COMMD10: variants seen among roughly 807,000 people sequenced by gnomAD.
COMMD10 encodes the protein COMM domain containing 10.
Under a neutral mutation model 28.9 loss-of-function variants are expected in COMMD10, and 33 were observed. The ratio of observed to expected loss-of-function variants is 1.14; its 90% CI spans 0.87 to 1.53. COMMD10 has a LOEUF of 1.53. COMMD10 is among the 40% of genes most tolerant of loss of function. The pLI is 0.00. For missense variants in COMMD10, 310 were observed against 233.4 expected, an observed-to-expected ratio of 1.33 and a Z score of -2.14; for synonymous variants, 110 against 81.7, an observed-to-expected ratio of 1.35 and a Z score of -1.87.
chr5:116,221,776 T>C (rs139914295), intron 5 of COMMD10, among the ~76,000 whole-genome samples: 2 of 152,332 alleles, frequency 1.3e-5, no homozygotes, highest in Non-Finnish European at 2.9e-5. Context: ...CACCATTCTT[T>C]ATTTAAATGA....
intron 5 of COMMD10, among the ~76,000 whole-genome samples, chr5:116,263,145 A>G (rs564259497): frequency 6.6e-6 from 1 of 151,966 alleles, no homozygotes; most frequent in African/African-American, 2.4e-5. Context: ...ATATTTTAGA[A>G]AATGAATAGT....
chr5:116,218,679 T>C (rs1749167357), intron 5 of COMMD10, among the ~76,000 whole-genome samples: 1 of 152,094 alleles, frequency 6.6e-6, no homozygotes, highest in Admixed American at 6.6e-5. Context: ...TAGAACCATA[T>C]TCCCAAGAAG....
intron 4 of COMMD10, among the ~76,000 whole-genome samples, chr5:116,123,939 CT>C (rs1216204850): frequency 6.8e-6 from 1 of 146,446 alleles, no homozygotes; most frequent in African/African-American, 2.5e-5. Flanking sequence ...TTTTTTTTAT[CT>C]ATTTGATTCT....
Position 116,292,571 on chromosome 5 carries a change from C to T in COMMD10, c.*82C>T. 1 of 1,194,664 alleles carries T rather than the reference C, an allele frequency of 8.4e-7. No homozygotes were observed. Among genetic ancestry groups the T allele is most frequent in the Non-Finnish European group, 1.2e-6 (1 of 842,614 alleles). The allele number at this position is 1,194,664 out of a possible 1,614,324, so 74.0% of individuals were successfully genotyped here. Reference sequence around the variant, plus strand: ...AAGATACATTGCCAGGTTGTGTTTTCTGAAGGATTCAGTGACTTGCTTTCT... The same window carrying T: ...AAGATACATTGCCAGGTTGTGTTTTTTGAAGGATTCAGTGACTTGCTTTCT... On this transcript the variant is annotated 3_prime_UTR_variant, in exon 7 of 7. Coordinates refer to ENST00000274458, the MANE Select transcript of COMMD10 (RefSeq NM_016144.4).
chr5:116,134,993 A>T (rs1202570222), intron 5 of COMMD10, among the ~76,000 whole-genome samples: 4 of 152,214 alleles, frequency 2.6e-5, no homozygotes, highest in Non-Finnish European at 5.9e-5. Context: ...ATTATTAAAG[A>T]TCAAAGCATT....
intron 5 of COMMD10, among the ~76,000 whole-genome samples, chr5:116,244,348 A>G (rs919950566): frequency 6.6e-6 from 1 of 152,118 alleles, no homozygotes; most frequent in Non-Finnish European, 1.5e-5. Flanking sequence ...CACTAGCATC[A>G]TTATGTAGAA....
At chr5:116,268,378 A>AT (rs1359481561) in intron 5 of COMMD10, among the ~76,000 whole-genome samples, 2 of 151,972 alleles carry the variant, frequency 1.3e-5, no homozygotes, top group Non-Finnish European at 2.9e-5. Context: ...CATCAGACAA[A>AT]TGCAAATCAA....
intron 5 of COMMD10, among the ~76,000 whole-genome samples, chr5:116,136,764 G>A (rs554047740): frequency 2.0e-5 from 3 of 152,276 alleles, no homozygotes; most frequent in South Asian, 2.1e-4. Context: ...TTGGATAGAT[G>A]CATATATGCA....
At chr5:116,137,947 C>T (rs543377100) in intron 5 of COMMD10, among the ~76,000 whole-genome samples, 5 of 152,004 alleles carry the variant, frequency 3.3e-5, no homozygotes, top group South Asian at 2.1e-4. Context: ...TACCTCAAAT[C>T]GAGTTTTCTG....
At chr5:116,151,360 G>A (rs866547018) in intron 5 of COMMD10, among the ~76,000 whole-genome samples, 23 of 152,138 alleles carry the variant, frequency 1.5e-4, no homozygotes, top group African/African-American at 5.3e-4. Context: ...GTATCAGGAT[G>A]ATGCTGGCCT....
intron 5 of COMMD10, among the ~76,000 whole-genome samples, chr5:116,251,082 T>G (rs1750100500): frequency 6.6e-6 from 1 of 151,996 alleles, no homozygotes; most frequent in East Asian, 1.9e-4. Flanking sequence ...TCCTAGTTAA[T>G]GCTACCAAGT....
At chr5:116,144,473 G>T (rs915156317) in intron 5 of COMMD10, among the ~76,000 whole-genome samples, 45 of 151,680 alleles carry the variant, frequency 3.0e-4, no homozygotes, top group African/African-American at 1.0e-3. Context: ...ACTAGAAAGT[G>T]ATGGTGCTAT....
At chr5:116,208,514 CTT>C (rs1295678712) in intron 5 of COMMD10, among the ~76,000 whole-genome samples, 1 of 152,146 alleles carries the variant, frequency 6.6e-6, no homozygotes, top group African/African-American at 2.4e-5. Flanking sequence ...AATTCTGACT[CTT>C]TGGGATCCCT....
intron 5 of COMMD10, among the ~76,000 whole-genome samples, chr5:116,266,572 A>G (rs991604374): frequency 1.3e-5 from 2 of 151,802 alleles, no homozygotes; most frequent in Non-Finnish European, 2.9e-5. Context: ...TTTAATTTAA[A>G]TCTCTTTCCA....
At chr5:116,235,090 T>C (rs4413565) in intron 5 of COMMD10, among the ~76,000 whole-genome samples, 151,881 of 152,322 alleles carry the variant, frequency 1, 75,727 homozygotes, top group Middle Eastern at 1. Flanking sequence ...CTGTGCCTTT[T>C]ATATATATAC....
chr5:116,141,664 C>G (rs867302877), intron 5 of COMMD10, among the ~76,000 whole-genome samples: 4 of 151,566 alleles, frequency 2.6e-5, no homozygotes, highest in Non-Finnish European at 5.9e-5. Context: ...TTTTGCTCTC[C>G]TAGCAATGGT....
At chr5:116,209,303 A>C (rs1046706058) in intron 5 of COMMD10, among the ~76,000 whole-genome samples, 2 of 152,126 alleles carry the variant, frequency 1.3e-5, no homozygotes, top group Non-Finnish European at 2.9e-5. Flanking sequence ...TAAATTTGGC[A>C]CTTAATGGTT....
intron 4 of COMMD10, among the ~76,000 whole-genome samples, chr5:116,101,575 C>T (rs1480723040): frequency 2.8e-4 from 42 of 151,934 alleles, no homozygotes; most frequent in African/African-American, 9.2e-4. Context: ...TACAGGCGCA[C>T]ACCACCACGC....
At chr5:116,161,999 G>A (rs887123558) in intron 5 of COMMD10, among the ~76,000 whole-genome samples, 1 of 152,026 alleles carries the variant, frequency 6.6e-6, no homozygotes, top group African/African-American at 2.4e-5. Flanking sequence ...TGTTAATGAT[G>A]GTCCAATTTT....
Sources: allele counts gnomAD v4.1 joint callset (sites outside exome capture counted in the v4.1 genomes callset), GRCh38; gene constraint gnomAD v4.1.1; transcripts MANE v1.5; gene names NCBI Gene and HGNC (gene_info 2026-07-23, HGNC 2026-07-21).